MAGI2: variants seen among roughly 807,000 people sequenced by gnomAD.
MAGI2 encodes membrane associated guanylate kinase, WW and PDZ domain containing 2, also known as membrane-associated guanylate kinase, WW and PDZ domain-containing protein 2.
A neutral mutation model predicts 133.3 loss-of-function variants in MAGI2; 35 were observed. The ratio of observed to expected loss-of-function variants is 0.26; its 90% CI spans 0.20 to 0.35. The LOEUF is 0.35. Ranked by LOEUF, MAGI2 falls within the 10% of genes least tolerant of loss-of-function variation. The pLI is 1.00. For synonymous variants in MAGI2, 729 were observed against 710.6 expected (o/e 1.03, Z -0.41); for missense variants, 1,636 against 1,863.4 (o/e 0.88, Z 2.25).
chr7:78,455,184 A>G (rs1382266124), intron 6 of MAGI2, among the ~76,000 whole-genome samples: 2 of 125,912 alleles, frequency 1.6e-5, no homozygotes, highest in Admixed American at 7.2e-5. Context: ...GGGCAGGTAT[A>G]TGGAACTCTC....
chr7:78,601,438 T>A (rs1238295076), intron 3 of MAGI2, among the ~76,000 whole-genome samples: 1 of 152,222 alleles, frequency 6.6e-6, no homozygotes, highest in Non-Finnish European at 1.5e-5. Flanking sequence ...CTTAGCATTC[T>A]TTCTGAACTT....
At chr7:79,422,803 A>G (rs532224565) in intron 1 of MAGI2, among the ~76,000 whole-genome samples, 5 of 152,184 alleles carry the variant, frequency 3.3e-5, no homozygotes, top group African/African-American at 1.2e-4. Flanking sequence ...CCAAACTTGG[A>G]ACTATCCAAT....
At chr7:78,709,911 C>T (rs547257821) in intron 2 of MAGI2, among the ~76,000 whole-genome samples, 18 of 152,246 alleles carry the variant, frequency 1.2e-4, no homozygotes, top group African/African-American at 4.3e-4. Context: ...GCATGTTTCT[C>T]TTGTGTCAAT....
In MAGI2 at chr7:78,086,241, GTT is replaced by G. The variant is rs5885041; in HGVS notation, c.3568-7158_3568-7157del. ...GCTCTTTTTTTTTTTAATTTTTAATGTTTTTTTTTTTTTTGAGATGGAGTTTC... is the reference window on the plus strand; with the variant it reads ...GCTCTTTTTTTTTTTAATTTTTAATGTTTTTTTTTTTTGAGATGGAGTTTC... On this transcript the variant is annotated intron_variant, in intron 20 of 21. Transcript: ENST00000354212. 8.4e-4 allele frequency among the ~76,000 whole-genome samples: 106 copies of G among 126,394 alleles called. 1 individual carries two copies. Among genetic ancestry groups the G allele is most frequent in the Non-Finnish European group, 1.4e-3 (86 of 61,546 alleles). The allele number at this position is 126,394 out of a possible 152,430, so 82.9% of individuals were successfully genotyped here.
intron 9 of MAGI2, among the ~76,000 whole-genome samples, chr7:78,275,999 A>G (rs936374746): frequency 6.6e-6 from 1 of 152,184 alleles, no homozygotes; most frequent in Non-Finnish European, 1.5e-5. Context: ...CCATGTGATT[A>G]TTACCCTTTC....
intron 3 of MAGI2, among the ~76,000 whole-genome samples, chr7:78,612,167 A>G (rs1806522367): frequency 6.6e-6 from 1 of 152,202 alleles, no homozygotes; most frequent in Non-Finnish European, 1.5e-5. Context: ...AAACATTTAC[A>G]TGAAACATGA....
intron 2 of MAGI2, among the ~76,000 whole-genome samples, chr7:78,808,157 G>T (rs992197098): frequency 6.6e-6 from 1 of 152,220 alleles, no homozygotes; most frequent in Admixed American, 6.5e-5. Context: ...AGTGTTTAAA[G>T]GTTTCTGGGA....
chr7:79,060,730 G>C (rs926136676), intron 1 of MAGI2, among the ~76,000 whole-genome samples: 8 of 152,054 alleles, frequency 5.3e-5, no homozygotes, highest in Non-Finnish European at 1.0e-4. Flanking sequence ...TACCCCATGA[G>C]TCTTTCACTT....
At chr7:78,723,296 T>C (rs1427858595) in intron 2 of MAGI2, among the ~76,000 whole-genome samples, 2 of 152,202 alleles carry the variant, frequency 1.3e-5, no homozygotes, top group East Asian at 3.8e-4. Context: ...AATACATTCA[T>C]CCATTTTCTT....
chr7:78,786,869 G>C (rs1826862713), intron 2 of MAGI2, among the ~76,000 whole-genome samples: 1 of 152,102 alleles, frequency 6.6e-6, no homozygotes, highest in African/African-American at 2.4e-5. Context: ...GCTCACTTCT[G>C]TATCTTTGGT....
chr7:78,145,268 T>C (rs367582291), intron 16 of MAGI2, among the ~76,000 whole-genome samples: 2 of 152,166 alleles, frequency 1.3e-5, no homozygotes, highest in Admixed American at 6.5e-5. Flanking sequence ...GGATTTTTGC[T>C]CCTTGTATGT....
At chr7:78,323,105 A>G (rs1055861023) in intron 9 of MAGI2, among the ~76,000 whole-genome samples, 1 of 151,478 alleles carries the variant, frequency 6.6e-6, no homozygotes, top group Non-Finnish European at 1.5e-5. Flanking sequence ...TTTACATTTG[A>G]AGAAGGTTTT....
intron 1 of MAGI2, among the ~76,000 whole-genome samples, chr7:79,441,360 C>T (rs1018597122): frequency 6.6e-6 from 1 of 152,068 alleles, no homozygotes; most frequent in African/African-American, 2.4e-5. Flanking sequence ...ATGTTAAAAG[C>T]GTCAATTTCC....
intron 6 of MAGI2, among the ~76,000 whole-genome samples, chr7:78,424,836 G>A (rs890296249): frequency 2.0e-5 from 3 of 152,152 alleles, no homozygotes; most frequent in African/African-American, 7.2e-5. Context: ...CCCAATGCCT[G>A]CACCCCCACT....
At chr7:79,009,221 C>CA (rs1554331126) in intron 1 of MAGI2, 1 of 151,142 alleles carries the variant, frequency 6.6e-6, no homozygotes, top group Non-Finnish European at 1.5e-5. Flanking sequence ...CAGTTTAAAC[C>CA]TTTTTTTTTC....
At chr7:78,963,547 C>G (rs1182492393) in intron 2 of MAGI2, among the ~76,000 whole-genome samples, 1 of 151,920 alleles carries the variant, frequency 6.6e-6, no homozygotes, top group Non-Finnish European at 1.5e-5. Context: ...GTTCCAAGTT[C>G]TAACAACATG....
intron 20 of MAGI2, among the ~76,000 whole-genome samples, chr7:78,081,156 A>T (rs1269389893): frequency 6.6e-6 from 1 of 152,042 alleles, no homozygotes; most frequent in Non-Finnish European, 1.5e-5. Context: ...CCTCGACTCT[A>T]TGCTCTTCAC....
At chr7:78,627,037 T>C (rs985092792) in intron 3 of MAGI2, 83 bp downstream of exon 3, 20 of 1,396,418 alleles carry the variant, frequency 1.4e-5, no homozygotes, top group Non-Finnish European at 1.9e-5. Flanking sequence ...AGCCCATTAG[T>C]AACCTGGTGT....
At chr7:78,511,053 G>T (rs1795518109) in intron 4 of MAGI2, among the ~76,000 whole-genome samples, 1 of 152,124 alleles carries the variant, frequency 6.6e-6, no homozygotes, top group Non-Finnish European at 1.5e-5. Context: ...ATTAAAAAGT[G>T]TGTTTGTTAT....
Sources: allele counts gnomAD v4.1 joint callset (sites outside exome capture counted in the v4.1 genomes callset), GRCh38; gene constraint gnomAD v4.1.1; transcripts MANE v1.5; gene names NCBI Gene and HGNC (gene_info 2026-07-23, HGNC 2026-07-21).